The following SYT9 variants were observed in gnomAD, a reference collection of about 807,000 sequenced individuals.
SYT9 encodes synaptotagmin-9.
Under a neutral mutation model 48.4 loss-of-function variants are expected in SYT9, and 22 were observed. That is an observed-to-expected ratio of 0.45 (90% CI 0.32 to 0.65). The LOEUF (loss-of-function observed/expected upper bound fraction) is 0.65, where lower values mean the gene tolerates loss of function less well. SYT9 is among the 30% of genes least tolerant of loss of function. The pLI is 0.03. For missense variants in SYT9, 577 were observed against 622.0 expected, an observed-to-expected ratio of 0.93 and a Z score of 0.77; for synonymous variants, 265 against 245.0, an observed-to-expected ratio of 1.08 and a Z score of -0.76.
At chr11:7,278,108 A>C (rs1848430805) in intron 1 of SYT9, among the ~76,000 whole-genome samples, 1 of 152,172 alleles carries the variant, frequency 6.6e-6, no homozygotes, top group Non-Finnish European at 1.5e-5. Context: ...AGGACCCAGA[A>C]ATTTCTGATC....
At chr11:7,301,649 C>A (rs535243802) in intron 1 of SYT9, among the ~76,000 whole-genome samples, 1 of 152,238 alleles carries the variant, frequency 6.6e-6, no homozygotes, top group Non-Finnish European at 1.5e-5. Flanking sequence ...CTCATTATAT[C>A]TCTAGAGCTT....
At chr11:7,380,711 T>G (rs956874542) in intron 3 of SYT9, among the ~76,000 whole-genome samples, 1 of 152,180 alleles carries the variant, frequency 6.6e-6, no homozygotes, top group Non-Finnish European at 1.5e-5. Context: ...TGCACATCCC[T>G]TTCTGTCCAG....
intron 3 of SYT9, among the ~76,000 whole-genome samples, chr11:7,366,120 G>T (rs1218473463): frequency 3.3e-5 from 5 of 152,196 alleles, no homozygotes; most frequent in African/African-American, 1.2e-4. Context: ...ATGATTCGTT[G>T]CTGCTCAGTC....
At chr11:7,287,865 T>G (rs1034308462) in intron 1 of SYT9, among the ~76,000 whole-genome samples, 2 of 152,178 alleles carry the variant, frequency 1.3e-5, no homozygotes. Flanking sequence ...CAAGACAATA[T>G]GGAATTTATG....
At chr11:7,299,777 G>A (rs1026260562) in intron 1 of SYT9, among the ~76,000 whole-genome samples, 6 of 152,194 alleles carry the variant, frequency 3.9e-5, no homozygotes, top group African/African-American at 1.4e-4. Flanking sequence ...GGACTTCTGA[G>A]CAGGCTGTTT....
At chr11:7,377,421 G>A (rs762862267) in intron 3 of SYT9, among the ~76,000 whole-genome samples, 1 of 152,066 alleles carries the variant, frequency 6.6e-6, no homozygotes, top group Non-Finnish European at 1.5e-5. Flanking sequence ...AGAGTTTTAG[G>A]AAATTGCACT....
At chr11:7,394,168 G>A (rs1010123798) in intron 3 of SYT9, among the ~76,000 whole-genome samples, 3 of 148,994 alleles carry the variant, frequency 2.0e-5, no homozygotes, top group African/African-American at 7.4e-5. Context: ...GTGTCCATGT[G>A]TTCTCATTGT....
chr11:7,245,287 C>T (rs897625275), intron 1 of SYT9, among the ~76,000 whole-genome samples: 37 of 152,150 alleles, frequency 2.4e-4, no homozygotes, highest in African/African-American at 8.7e-4. Context: ...AATGCAACAA[C>T]ATATATCAAG....
intron 6 of SYT9, among the ~76,000 whole-genome samples, chr11:7,462,582 C>A (rs1848255046): frequency 6.6e-6 from 1 of 152,160 alleles, no homozygotes; most frequent in African/African-American, 2.4e-5. Flanking sequence ...CTGTGCTAAG[C>A]AACAGTCAAC....
At chr11:7,437,302 A>C (rs538537856) in intron 6 of SYT9, among the ~76,000 whole-genome samples, 77 of 152,316 alleles carry the variant, frequency 5.1e-4, no homozygotes, top group African/African-American at 1.8e-3. Context: ...TGTGCCACAA[A>C]TGTTCTTGGC....
At chr11:7,248,184 C>G (rs190402161), upstream of SYT9, among the ~76,000 whole-genome samples, 564 of 151,674 alleles carry the variant, frequency 3.7e-3, 4 homozygotes, top group Middle Eastern at 0.01. Flanking sequence ...TTGTTTTTTT[C>G]GTGTTGATTT....
chr11:7,453,040 C>T (rs554630431), intron 6 of SYT9, among the ~76,000 whole-genome samples: 2 of 152,068 alleles, frequency 1.3e-5, no homozygotes, highest in South Asian at 2.1e-4. Flanking sequence ...CCTCGGCCTC[C>T]CAAAGTGCTG....
At chr11:7,315,473 A>T (rs1046257544) in intron 3 of SYT9, among the ~76,000 whole-genome samples, 3 of 152,234 alleles carry the variant, frequency 2.0e-5, no homozygotes, top group African/African-American at 7.2e-5. Flanking sequence ...CCTTGAACTT[A>T]AGTCTCATCT....
chr11:7,254,371 CA>C (rs1467464191), intron 1 of SYT9, among the ~76,000 whole-genome samples: 1 of 152,154 alleles, frequency 6.6e-6, no homozygotes, highest in Non-Finnish European at 1.5e-5. Context: ...AGATTACATC[CA>C]AAGTGCACCC....
At chr11:7,457,199 C>G (rs1293271442) in intron 6 of SYT9, 1 of 152,228 alleles carries the variant, frequency 6.6e-6, no homozygotes, top group Non-Finnish European at 1.5e-5. Flanking sequence ...GCTGTCCTTT[C>G]AACCCCTCTT....
chr11:7,241,675 G>A (rs2119716099), intron 1 of SYT9, among the ~76,000 whole-genome samples: 1 of 152,338 alleles, frequency 6.6e-6, no homozygotes, highest in Admixed American at 6.5e-5. Context: ...CAACAGCACA[G>A]AGTGTTTTGC....
chr11:7,355,602 A>G (rs1403723993), intron 3 of SYT9, among the ~76,000 whole-genome samples: 1 of 152,206 alleles, frequency 6.6e-6, no homozygotes, highest in Non-Finnish European at 1.5e-5. Flanking sequence ...TGTCTGATCC[A>G]TTGAGTAGAC....
chr11:7,272,503 C>G (rs1386737291), intron 1 of SYT9, among the ~76,000 whole-genome samples: 1 of 151,926 alleles, frequency 6.6e-6, no homozygotes, highest in Admixed American at 6.6e-5. Flanking sequence ...CTTCTGCATA[C>G]CTTAAGTGAC....
At chr11:7,464,537 T>C (rs1848295384) in intron 6 of SYT9, among the ~76,000 whole-genome samples, 1 of 152,002 alleles carries the variant, frequency 6.6e-6, no homozygotes, top group Non-Finnish European at 1.5e-5. Flanking sequence ...CCCCACGGGG[T>C]CTTTTAAGAA....
Sources: gnomAD v4.1 joint callset for allele counts (sites outside exome capture counted in the v4.1 genomes callset) on GRCh38, gnomAD v4.1.1 for gene constraint, MANE v1.5 for transcripts, NCBI Gene and HGNC (gene_info 2026-07-23, HGNC 2026-07-21) for gene names.